The following GDF10 variants were observed in gnomAD, a reference collection of about 807,000 sequenced individuals.
GDF10 encodes the protein growth differentiation factor 10, also known as growth/differentiation factor 10.
Under a neutral mutation model 32.1 loss-of-function variants are expected in GDF10, and 23 were observed. The observed-to-expected ratio is 0.72, with a 90% CI of 0.52 to 1.02. The LOEUF (loss-of-function observed/expected upper bound fraction) is 1.02. Among genes scored for constraint, GDF10 ranks in the 50% least tolerant of loss-of-function variants. The probability of loss-of-function intolerance (pLI) is 0.00; values close to 1 mark genes in which losing one functional copy is unlikely to be tolerated. For missense variants in GDF10, 764 were observed against 673.9 expected (o/e 1.13, Z -1.48); for synonymous variants, 328 against 303.1 (o/e 1.08, Z -0.85).
In GDF10 at chr10:47,310,463, G is replaced by A; in HGVS notation, c.987G>A (p.Arg329=). The change falls in exon 2 of 3, where the codon CGG becomes CGA. Residue 329 remains arginine (R), a synonymous_variant. Transcript: ENST00000580279. ...HKHQLWPSPF[R]ALKPRPGRKD... is the part of the protein sequence containing the mutation. ...ACCAGCTGTGGCCCAGCCCCTTCCG[G>A]GCGCTGAAACCCCGGCCAGGGCGCA... 1.9e-6 allele frequency: 3 copies of A among 1,613,674 alleles called. No individual in the cohort carries two copies. Among genetic ancestry groups the A allele is most frequent in the Non-Finnish European group, 2.5e-6 (3 of 1,179,776 alleles).
In GDF10 at chr10:47,310,179, C is replaced by A. The variant is rs375293779; in HGVS notation, c.703C>A (p.Pro235Thr). The A allele has an allele frequency of 1.1e-5, 18 of 1,611,494 alleles. No homozygotes were observed. The highest frequency in any genetic ancestry group is 1.5e-5 in the Non-Finnish European group (18 of 1,179,248). ...TTCTGAGGAGAGGGACCCGGGGGTG[C>A]CCCGGCCCAGCCCCTATGCGCCCTA... ...LDSEERDPGV[P>T]RPSPYAPYIL... Residue 235 changes from proline to threonine, a missense_variant, in exon 2 of 3, where the codon CCC (proline) becomes ACC (threonine). Coordinates refer to ENST00000580279, the MANE Select transcript of GDF10 (RefSeq NM_004962.5).
rs1588842539 is a variant in GDF10 at position 47,303,891 on chromosome 10, G to T, written c.319+2921G>T. 5.9e-5 allele frequency among the ~76,000 whole-genome samples: 9 copies of T among 152,350 alleles called. No homozygotes were observed. The South Asian group carries it at 1.9e-3, about 32-fold the overall frequency. ...CAAGTATTCCCTAAGCACTTCGTTT[G>T]GTAGCAGATGCTGTAAGCTCAGGGA... On this transcript the variant is annotated intron_variant, in intron 1 of 2. Coordinates refer to ENST00000580279, the MANE Select transcript of GDF10 (RefSeq NM_004962.5).
At position 47,300,617 on chromosome 10, in the gene GDF10, CCTG is replaced by C; in HGVS notation, c.-34_-32del. 6.5e-7 allele frequency: 1 copy of C among 1,549,596 alleles called. No homozygotes were observed. Among genetic ancestry groups the C allele is most frequent in the Non-Finnish European group, 8.7e-7 (1 of 1,149,688 alleles). On this transcript the variant is annotated 5_prime_UTR_variant, in exon 1 of 3. Coordinates refer to ENST00000580279, the MANE Select transcript of GDF10 (RefSeq NM_004962.5). ...GTGCGCCAGCGCTCGCCTTCCTCCT[CCTG>C]GACTTCGGCCCTTTGCCGCCCTCAC...
At chr10:47,307,959 C>T (rs185512972) in intron 1 of GDF10, among the ~76,000 whole-genome samples, 8 of 152,302 alleles carry the variant, frequency 5.3e-5, no homozygotes, top group African/African-American at 1.9e-4. Context: ...CCAGACAATC[C>T]TCTGTGTGAG....
Position 47,300,732 on chromosome 10 carries a change from G to A in GDF10, c.81G>A (p.Leu27=). The stretch of plus-strand genomic sequence containing the variant: ...TGCTGCTGCCGTTGTTTCTGCTGTT[G>A]CTCCGGGATGTGGCCGGCAGCCACA... The part of the protein sequence containing the change: ...LLLLLPLFLL[L]LRDVAGSHRA... The change falls in exon 1 of 3, where the codon TTG becomes TTA. Residue 27 remains leucine (L), a synonymous_variant. Transcript: ENST00000580279. 1 of 1,575,788 alleles carries A rather than the reference G, an allele frequency of 6.3e-7. No individual in the cohort carries two copies. Among genetic ancestry groups the A allele is most frequent in the Non-Finnish European group, 8.6e-7 (1 of 1,164,654 alleles).
intron 1 of GDF10, among the ~76,000 whole-genome samples, chr10:47,309,017 AG>A (rs1214776334): frequency 6.6e-6 from 1 of 152,200 alleles, no homozygotes; most frequent in African/African-American, 2.4e-5. Flanking sequence ...CGGCAGCCCC[AG>A]GGAAGCCGGA....
rs552594893 is a variant in GDF10, at chr10:47,313,204, G to C, written c.*412G>C. ...TTAAATGCTCAGTTCAGAACACTTT[G>C]GGCCACATAGTGATTTTGGAAAACA... On this transcript the variant is annotated 3_prime_UTR_variant, in exon 3 of 3. Transcript: ENST00000580279. 6.4e-6 allele frequency: 1 copy of C among 156,774 alleles called. No individual in the cohort carries two copies. The highest frequency in any genetic ancestry group is 1.4e-5 in the Non-Finnish European group (1 of 71,232). The allele number at this position is 156,774 out of a possible 1,614,324, so 9.7% of individuals were successfully genotyped here.
chr10:47,309,838 C>T lies in GDF10; in HGVS notation c.362C>T (p.Ser121Phe), dbSNP rs782033521. ...QKAVYFFNLT[S>F]MQDSEMILTA... ...GCCGTGTATTTCTTCAACCTGACTT[C>T]CATGCAAGACTCGGAAATGATCCTT... Residue 121 changes from serine (S) to phenylalanine (F), a missense_variant, in exon 2 of 3, where the codon TCC (serine) becomes TTC (phenylalanine). By Grantham distance (155) the Ser-to-Phe change is radical (BLOSUM62 -2). Coordinates refer to ENST00000580279, the MANE Select transcript of GDF10 (RefSeq NM_004962.5). 2 of 1,612,742 alleles carry T rather than the reference C, an allele frequency of 1.2e-6. No individual in the cohort carries two copies.
intron 1 of GDF10, among the ~76,000 whole-genome samples, chr10:47,301,466 G>A (rs1053523461): frequency 2.0e-5 from 3 of 149,812 alleles, no homozygotes; most frequent in East Asian, 2.0e-4. Context: ...TTGGCTGCCC[G>A]GGATTGAGGA....
chr10:47,310,006 T>C lies in GDF10; in HGVS notation c.530T>C (p.Leu177Pro). The change falls in exon 2 of 3, where the codon CTC becomes CCC. Residue 177 changes from leucine to proline, a missense_variant. By Grantham distance (98) the Leu-to-Pro change is moderately conservative. Coordinates refer to ENST00000580279, the MANE Select transcript of GDF10 (RefSeq NM_004962.5). ...CGCCAGCACCTGCTCTTCCGCAGCC[T>C]CTCGCAGAACACGGCCACACAGGGG... ...PTRQHLLFRS[L>P]SQNTATQGLL... 1 of 1,610,010 alleles carries C rather than the reference T, an allele frequency of 6.2e-7. No homozygotes were observed. The highest frequency in any genetic ancestry group is 1.1e-5 in the South Asian group (1 of 90,804).
rs140872842 is a variant in GDF10, at chr10:47,300,854, G to T, written c.203G>T (p.Gly68Val). ...CCTGGGGACGCGGCCGCCACGTTGGGCCCCAGCGCCCAGGACATGGTCGCT... is the reference window on the plus strand; with the variant it reads ...CCTGGGGACGCGGCCGCCACGTTGGTCCCCAGCGCCCAGGACATGGTCGCT... ...RHPGDAAATLGPSAQDMVAVH... is the reference protein window; with the variant it reads ...RHPGDAAATLVPSAQDMVAVH... Residue 68 changes from glycine (G) to valine (V), a missense_variant, in exon 1 of 3, where the codon GGC (glycine) becomes GTC (valine). Transcript: ENST00000580279. 1.0e-5 allele frequency: 16 copies of T among 1,584,368 alleles called. No homozygotes were observed. The Admixed American group carries it at 1.5e-4, about 15-fold the overall frequency.
intron 1 of GDF10, among the ~76,000 whole-genome samples, chr10:47,306,691 C>T (rs2061024072): frequency 6.6e-6 from 1 of 152,192 alleles, no homozygotes. Context: ...GGCTGTTCTC[C>T]AGCCACGGGA....
At chr10:47,307,037 C>G (rs1414228633) in intron 1 of GDF10, among the ~76,000 whole-genome samples, 3 of 152,128 alleles carry the variant, frequency 2.0e-5, no homozygotes, top group South Asian at 4.2e-4. Flanking sequence ...GGACAGTGCT[C>G]TTTAAAACTG....
At chr10:47,308,876 C>T (rs1165739506) in intron 1 of GDF10, among the ~76,000 whole-genome samples, 6 of 152,130 alleles carry the variant, frequency 3.9e-5, no homozygotes, top group East Asian at 1.9e-4. Flanking sequence ...AATGTTTAGG[C>T]GATTCAAACC....
intron 1 of GDF10, among the ~76,000 whole-genome samples, chr10:47,302,602 T>C (rs1404857836): frequency 6.6e-6 from 1 of 152,172 alleles, no homozygotes; most frequent in East Asian, 1.9e-4. Flanking sequence ...GAGTTCAGGT[T>C]ATTAATCTCA....
At chr10:47,308,498 T>C (rs1334500544) in intron 1 of GDF10, among the ~76,000 whole-genome samples, 2 of 152,150 alleles carry the variant, frequency 1.3e-5, no homozygotes, top group Non-Finnish European at 2.9e-5. Flanking sequence ...ACAATCCCAG[T>C]TGAATTATGC....
chr10:47,308,680 C>G (rs576773836), intron 1 of GDF10, among the ~76,000 whole-genome samples: 3 of 152,272 alleles, frequency 2.0e-5, no homozygotes, highest in Admixed American at 2.0e-4. Flanking sequence ...TGCTCCTCTC[C>G]AGACGTTCCC....
At chr10:47,301,735 G>C (rs1221645086) in intron 1 of GDF10, among the ~76,000 whole-genome samples, 5 of 152,186 alleles carry the variant, frequency 3.3e-5, no homozygotes, top group Non-Finnish European at 7.3e-5. Flanking sequence ...AGGGCCACAG[G>C]GGTGGTGAGA....
At chr10:47,311,659 C>A (rs1469468398) in intron 2 of GDF10, among the ~76,000 whole-genome samples, 1 of 152,228 alleles carries the variant, frequency 6.6e-6, no homozygotes, top group East Asian at 1.9e-4. Flanking sequence ...AGAGACGGAG[C>A]CTGCTAAAAG....
Sources: allele counts gnomAD v4.1 joint callset (sites outside exome capture counted in the v4.1 genomes callset), GRCh38; gene constraint gnomAD v4.1.1; transcripts MANE v1.5; gene names NCBI Gene and HGNC (gene_info 2026-07-23, HGNC 2026-07-21).